Variants in PIP5K1C observed in about 807,000 individuals in gnomAD.
The protein encoded by PIP5K1C is phosphatidylinositol-4-phosphate 5-kinase type 1 gamma.
PIP5K1C carries 45 observed loss-of-function variants against 80.1 expected under a neutral mutation model. That is an observed-to-expected ratio of 0.56 (90% CI 0.44 to 0.72). The LOEUF (loss-of-function observed/expected upper bound fraction) is 0.72, where lower values mean the gene tolerates loss of function less well. Ranked by LOEUF, PIP5K1C falls within the 30% of genes least tolerant of loss-of-function variation. PIP5K1C has a pLI of 0.00. For missense variants in PIP5K1C, 753 were observed against 954.6 expected, an observed-to-expected ratio of 0.79 and a Z score of 2.78; for synonymous variants, 498 against 420.1, an observed-to-expected ratio of 1.19 and a Z score of -2.27.
At chr19:3,633,821 G>A (rs1484853881) in intron 16 of PIP5K1C, among the ~76,000 whole-genome samples, 1 of 152,072 alleles carries the variant, frequency 6.6e-6, no homozygotes, top group Non-Finnish European at 1.5e-5. Flanking sequence ...GCGGGTGGGG[G>A]TCGCGACCTG....
At chr19:3,635,569 C>T (rs1483717239) in intron 16 of PIP5K1C, among the ~76,000 whole-genome samples, 8 of 152,208 alleles carry the variant, frequency 5.3e-5, no homozygotes, top group Admixed American at 2.6e-4. Context: ...CCTGTAATCC[C>T]AGCAACTCGG....
chr19:3,659,218 G>A (rs948398266), intron 5 of PIP5K1C, among the ~76,000 whole-genome samples: 1 of 152,228 alleles, frequency 6.6e-6, no homozygotes, highest in Non-Finnish European at 1.5e-5. Context: ...TCCTCCCGCT[G>A]TGGCACACGG....
intron 5 of PIP5K1C, among the ~76,000 whole-genome samples, chr19:3,657,807 C>T (rs1329002417): frequency 6.6e-6 from 1 of 151,872 alleles, no homozygotes; most frequent in Non-Finnish European, 1.5e-5. Flanking sequence ...TGGTGATGCC[C>T]ATCTGTGGTC....
In PIP5K1C at chr19:3,637,435, A is replaced by G. The variant is rs2033739184; in HGVS notation, c.1920+1449T>C. 1 of 1,535,456 alleles carries G rather than the reference A, an allele frequency of 6.5e-7. No individual in the cohort carries two copies. On this transcript the variant is annotated intron_variant, in intron 16 of 17. Coordinates refer to ENST00000335312, the MANE Select transcript of PIP5K1C (RefSeq NM_012398.3). The surrounding 1 kb of genome is among the most constrained non-coding windows in gnomAD (Gnocchi z 7.0). ...TTACCCAAAGCCCTTCTGGAAAACA[A>G]CTGACGTCAGACACTGAGCTTCCGG...
At chr19:3,633,379 A>G in intron 17 of PIP5K1C, 58 bp downstream of exon 17, 1 of 1,331,470 alleles carries the variant, frequency 7.5e-7, no homozygotes, top group Non-Finnish European at 1.0e-6. Flanking sequence ...GCTGGGGACC[A>G]CGCTCAGTAG....
At position 3,661,987 on chromosome 19, in the gene PIP5K1C, G is replaced by A. The variant is rs115579775; in HGVS notation, c.234C>T (p.Thr78=). Residue 78 remains threonine, a synonymous_variant, in exon 4 of 18, where the codon ACC becomes ACT. Coordinates refer to ENST00000335312, the MANE Select transcript of PIP5K1C (RefSeq NM_012398.3). ...TGCCCAGCTGGATGGCACCCTTCAG[G>A]GTGGAGGAGGTGGTCTGCAGGGAGA... ...ETTYKKTTSS[T]LKGAIQLGIG... The A allele has an allele frequency of 5.7e-4, 912 of 1,598,734 alleles. 2 individuals carry two copies. The highest frequency in any genetic ancestry group is 8.3e-4 in the Middle Eastern group (5 of 6,028).
At chr19:3,682,267 A>C (rs1225596460) in intron 1 of PIP5K1C, among the ~76,000 whole-genome samples, 1 of 151,662 alleles carries the variant, frequency 6.6e-6, no homozygotes, top group East Asian at 1.9e-4. Context: ...CCGGCTACTC[A>C]GGAGGCTGAG....
intron 6 of PIP5K1C, 39 bp from the exon 7 acceptor site, chr19:3,653,628 G>A (rs2034526695): frequency 2.5e-6 from 4 of 1,576,556 alleles, no homozygotes; most frequent in South Asian, 2.3e-5. Flanking sequence ...GGGCGGCTGG[G>A]CCACAGACTC....
rs1362243635 is a variant in PIP5K1C at position 3,688,627 on chromosome 19, A to C, written c.94+11670T>G. Among the ~76,000 whole-genome samples the C allele has an allele frequency of 6.6e-6, 1 of 151,996 alleles. No homozygotes were observed. Among genetic ancestry groups the C allele is most frequent in the Non-Finnish European group, 1.5e-5 (1 of 67,998 alleles). On this transcript the variant is annotated intron_variant, in intron 1 of 17. Coordinates refer to ENST00000335312, the MANE Select transcript of PIP5K1C (RefSeq NM_012398.3). The surrounding 1 kb of genome is among the most constrained non-coding windows in gnomAD (Gnocchi z 5.3). ...TGCTGCTGAAATTGCCCCCCCAGGC[A>C]TTGTCCTCAGGTGGTTTCGTGTCCC...
rs775398523 is a variant in PIP5K1C, at chr19:3,653,335, G to T, written c.876C>A (p.Ala292=). 6.2e-7 allele frequency: 1 copy of T among 1,611,186 alleles called. No individual in the cohort carries two copies. Among genetic ancestry groups the T allele is most frequent in the Non-Finnish European group, 8.5e-7 (1 of 1,179,982 alleles). ...TCTTGACCAGGGCGCTGAAGGTGTC[G>T]GCGTCCAGCAGGAGCCCCTCGGGCA... ...QDMPEGLLLD[A]DTFSALVKTL... is the part of the protein sequence containing the mutation. Residue 292 remains alanine, a synonymous_variant, in exon 7 of 18, where the codon GCC becomes GCA. Coordinates refer to ENST00000335312, the MANE Select transcript of PIP5K1C (RefSeq NM_012398.3).
chr19:3,636,438 G>C, intron 16 of PIP5K1C: 1 of 985,380 alleles, frequency 1.0e-6, no homozygotes, highest in Non-Finnish European at 1.2e-6. Context: ...CCCTCCCCAC[G>C]TCTGCCCCTT....
At position 3,696,776 on chromosome 19, in the gene PIP5K1C, G is replaced by A. The variant is rs1478151974; in HGVS notation, c.94+3521C>T. On this transcript the variant is annotated intron_variant, in intron 1 of 17. Coordinates refer to ENST00000335312, the MANE Select transcript of PIP5K1C (RefSeq NM_012398.3). This position sits in a 1 kb window ranked among gnomAD's most constrained non-coding sequence, Gnocchi z 4.1. ...GCAGGGAGGGCCCGGGGCAGGCTGT[G>A]CAGGGCCTGATGGGCTTCAAAGAGG... is the stretch of plus-strand genomic sequence containing the variant. Among the ~76,000 whole-genome samples, 1 of 152,048 alleles carries A rather than the reference G, an allele frequency of 6.6e-6. No individual in the cohort carries two copies. Among genetic ancestry groups the A allele is most frequent in the Non-Finnish European group, 1.5e-5 (1 of 67,976 alleles).
chr19:3,673,262 G>A lies in PIP5K1C; in HGVS notation c.95-5909C>T, dbSNP rs563330413. Among the ~76,000 whole-genome samples the A allele has an allele frequency of 9.2e-5, 14 of 152,174 alleles. No individual in the cohort carries two copies. The South Asian group carries it at 1.0e-3, about 11-fold the overall frequency. ...CCTGCCAGTCCCAAGATTCCCTCACGGTTTGTTCCTGTTTCACCCCAGACC... is the reference window on the plus strand; with the variant it reads ...CCTGCCAGTCCCAAGATTCCCTCACAGTTTGTTCCTGTTTCACCCCAGACC... On this transcript the variant is annotated intron_variant, in intron 1 of 17. Coordinates refer to ENST00000335312, the MANE Select transcript of PIP5K1C (RefSeq NM_012398.3).
At chr19:3,691,297 G>C (rs1453963373) in intron 1 of PIP5K1C, among the ~76,000 whole-genome samples, 2 of 152,206 alleles carry the variant, frequency 1.3e-5, no homozygotes, top group African/African-American at 4.8e-5. Context: ...CTGATGCTGC[G>C]TTTTGTTTTC....
In PIP5K1C at chr19:3,637,778, G is replaced by A. The variant is rs892994027; in HGVS notation, c.1920+1106C>T. ...GGTGGGGGGTGCCGGGGCAGGGGCA[G>A]GACCGAGGACCCTTCTCCCTTCTCT... On this transcript the variant is annotated intron_variant, in intron 16 of 17. Transcript: ENST00000335312. The surrounding 1 kb of genome is among the most constrained non-coding windows in gnomAD (Gnocchi z 7.0). 3.9e-6 allele frequency: 6 copies of A among 1,533,070 alleles called. No individual in the cohort carries two copies. The highest frequency in any genetic ancestry group is 8.7e-7 in the Non-Finnish European group (1 of 1,146,154). 95.0% of individuals were successfully genotyped at this position (1,533,070 alleles called of 1,614,324 possible).
intron 1 of PIP5K1C, among the ~76,000 whole-genome samples, chr19:3,693,701 C>A (rs2036014981): frequency 7.1e-6 from 1 of 141,630 alleles, no homozygotes; most frequent in South Asian, 2.3e-4. Flanking sequence ...CGTGCAGCTT[C>A]CCAGGGGCTA....
intron 3 of PIP5K1C, among the ~76,000 whole-genome samples, chr19:3,663,783 A>G (rs926255293): frequency 3.3e-5 from 5 of 152,234 alleles, no homozygotes; most frequent in Admixed American, 6.5e-5. Flanking sequence ...GCTGGGTGTG[A>G]AAACGGTACC....
chr19:3,632,695 C>T lies in PIP5K1C; in HGVS notation c.*472G>A, dbSNP rs34590464. The T allele has an allele frequency of 0.13, 20,724 of 162,534 alleles. 1,598 individuals are homozygous for T. The highest frequency in any genetic ancestry group is 0.25 in the South Asian group (1,448 of 5,744). The allele number at this position is 162,534 out of a possible 1,614,324, so 10.1% of individuals were successfully genotyped here. A position where few individuals can be genotyped will look rare whatever the true frequency, so the allele number is the denominator to read the frequency against. The stretch of plus-strand genomic sequence containing the variant: ...TGGATGGAGGCAGAGTTGCTCGGGA[C>T]CCCAGCCGTCCCCTCTGCAGGCCGA... On this transcript the variant is annotated 3_prime_UTR_variant, in exon 18 of 18. Transcript: ENST00000335312.
intron 15 of PIP5K1C, among the ~76,000 whole-genome samples, chr19:3,640,916 T>C (rs2033933802): frequency 1.3e-5 from 2 of 152,076 alleles, no homozygotes; most frequent in South Asian, 2.1e-4. Context: ...CTCGATCTCC[T>C]GACCTCGTGA....
Sources: allele counts gnomAD v4.1 joint callset (sites outside exome capture counted in the v4.1 genomes callset), GRCh38; gene constraint gnomAD v4.1.1; non-coding constraint Gnocchi (gnomAD v3.1); transcripts MANE v1.5; gene names NCBI Gene and HGNC (gene_info 2026-07-23, HGNC 2026-07-21).